The following FGGY variants were observed in gnomAD, a reference collection of about 807,000 sequenced individuals.
FGGY encodes FGGY carbohydrate kinase domain-containing protein.
In FGGY, 72 loss-of-function variants were observed where a neutral mutation model predicts 71.3. The observed-to-expected ratio is 1.01, with a 90% CI of 0.84 to 1.23. The LOEUF (loss-of-function observed/expected upper bound fraction) is 1.23, where lower values mean the gene tolerates loss of function less well. Ranked by LOEUF, FGGY falls within the 50% of genes most tolerant of loss-of-function variation. The pLI is 0.00. For missense variants in FGGY, 668 were observed against 682.3 expected, an observed-to-expected ratio of 0.98 and a Z score of 0.23; for synonymous variants, 251 against 250.3, an observed-to-expected ratio of 1.00 and a Z score of -0.02.
intron 14 of FGGY, among the ~76,000 whole-genome samples, chr1:59,748,838 C>T (rs1465431211): frequency 6.6e-6 from 1 of 152,124 alleles, no homozygotes; most frequent in African/African-American, 2.4e-5. Context: ...AATGAGATGA[C>T]TGATGGCTGA....
At chr1:59,619,244 G>A (rs1359773869) in intron 9 of FGGY, among the ~76,000 whole-genome samples, 1 of 152,046 alleles carries the variant, frequency 6.6e-6, no homozygotes, top group African/African-American at 2.4e-5. Flanking sequence ...AAGTAGCAGT[G>A]AGTAAAACAG....
At chr1:59,645,406 C>T (rs943820116) in intron 11 of FGGY, among the ~76,000 whole-genome samples, 2 of 152,148 alleles carry the variant, frequency 1.3e-5, no homozygotes, top group African/African-American at 4.8e-5. Context: ...CCGTGGGCCT[C>T]CCACTTTAGC....
intron 5 of FGGY, among the ~76,000 whole-genome samples, chr1:59,438,692 T>A (rs769629354): frequency 6.6e-6 from 1 of 152,228 alleles, no homozygotes; most frequent in African/African-American, 2.4e-5. Context: ...AACTTCTGAG[T>A]ATTAGGAATT....
intron 5 of FGGY, among the ~76,000 whole-genome samples, chr1:59,439,014 T>C (rs2069151819): frequency 6.6e-6 from 1 of 152,222 alleles, no homozygotes; most frequent in Non-Finnish European, 1.5e-5. Context: ...CATAATCTAC[T>C]CTCTCCCTCT....
chr1:59,468,903 C>T (rs1178547656), intron 6 of FGGY, among the ~76,000 whole-genome samples: 1 of 148,284 alleles, frequency 6.7e-6, no homozygotes, highest in East Asian at 2.0e-4. Flanking sequence ...AGGATCTTGA[C>T]TAATGAACTA....
intron 1 of FGGY, among the ~76,000 whole-genome samples, chr1:59,298,310 C>A (rs2042267768): frequency 1.3e-5 from 2 of 151,946 alleles, no homozygotes; most frequent in South Asian, 4.2e-4. Context: ...AGGCCCAGAG[C>A]ACTGTTATTA....
intron 7 of FGGY, among the ~76,000 whole-genome samples, chr1:59,513,388 C>T (rs2094563102): frequency 6.6e-6 from 1 of 152,182 alleles, no homozygotes; most frequent in Non-Finnish European, 1.5e-5. Context: ...CACTTCCATA[C>T]TCTGCCCATG....
chr1:59,464,326 A>G (rs747448756), intron 6 of FGGY, among the ~76,000 whole-genome samples: 16 of 152,234 alleles, frequency 1.1e-4, no homozygotes, highest in Non-Finnish European at 1.5e-4. Context: ...ATGAGAACAA[A>G]GACACAACGT....
intron 7 of FGGY, among the ~76,000 whole-genome samples, chr1:59,534,615 A>G (rs1419418876): frequency 4.6e-5 from 7 of 152,360 alleles, no homozygotes; most frequent in Non-Finnish European, 1.0e-4. Flanking sequence ...GAAGCCCATC[A>G]GACTAACAGC....
At chr1:59,657,624 T>A (rs1427101890) in intron 11 of FGGY, among the ~76,000 whole-genome samples, 2 of 152,236 alleles carry the variant, frequency 1.3e-5, no homozygotes, top group African/African-American at 4.8e-5. Context: ...CATGCCAGCA[T>A]GGTGCAGGCA....
intron 6 of FGGY, among the ~76,000 whole-genome samples, chr1:59,505,679 A>G (rs10789077): frequency 0.28 from 42,768 of 151,978 alleles, 6,440 homozygotes; most frequent in Middle Eastern, 0.35. Flanking sequence ...AGTTAATTCA[A>G]CACCCCGCCC....
At chr1:59,691,650 T>G in intron 14 of FGGY, among the ~76,000 whole-genome samples, 1 of 151,444 alleles carries the variant, frequency 6.6e-6, no homozygotes. Context: ...TCTTTTTTTT[T>G]TTTTTTTAAC....
intron 14 of FGGY, among the ~76,000 whole-genome samples, chr1:59,713,403 A>G (rs750891475): frequency 1.3e-5 from 2 of 152,010 alleles, no homozygotes; most frequent in Non-Finnish European, 2.9e-5. Context: ...ACCCCACTCT[A>G]CTGGCACCAA....
rs74476290 is a variant in FGGY at position 59,412,672 on chromosome 1, T to C, written c.554+33835T>C. On this transcript the variant is annotated intron_variant, in intron 5 of 15. Coordinates refer to ENST00000303721, the MANE Select transcript of FGGY (RefSeq NM_018291.5). ...ATTCATTCATTTACACCTTATTTAT[T>C]GAGACTTTCCCTGTGTGAGACATTG... Among the ~76,000 whole-genome samples the C allele has an allele frequency of 2.8e-4, 43 of 152,314 alleles. 1 individual carries two copies. The East Asian group carries it at 8.1e-3, about 29-fold the overall frequency.
intron 14 of FGGY, among the ~76,000 whole-genome samples, chr1:59,683,743 A>G (rs1185563841): frequency 6.6e-6 from 1 of 152,270 alleles, no homozygotes; most frequent in East Asian, 1.9e-4. Flanking sequence ...CTTACTAAGT[A>G]AAGGCATCTT....
chr1:59,551,109 G>C (rs1244412281), intron 7 of FGGY, among the ~76,000 whole-genome samples: 1 of 152,108 alleles, frequency 6.6e-6, no homozygotes, highest in Non-Finnish European at 1.5e-5. Context: ...TGATGATGGT[G>C]GTGGTGGAGA....
At chr1:59,569,953 A>G (rs1334991558) in intron 8 of FGGY, among the ~76,000 whole-genome samples, 1 of 152,108 alleles carries the variant, frequency 6.6e-6, no homozygotes, top group Non-Finnish European at 1.5e-5. Context: ...CATTTACTCA[A>G]ATTGAAGGAT....
At chr1:59,367,292 T>C (rs569963103) in intron 4 of FGGY, among the ~76,000 whole-genome samples, 80 of 152,346 alleles carry the variant, frequency 5.3e-4, no homozygotes, top group African/African-American at 1.9e-3. Context: ...ACCTACTCCA[T>C]GCTTCCAGCG....
At chr1:59,472,359 A>G (rs984035084) in intron 6 of FGGY, among the ~76,000 whole-genome samples, 3 of 152,138 alleles carry the variant, frequency 2.0e-5, no homozygotes, top group Admixed American at 2.0e-4. Flanking sequence ...GCCATGCCTG[A>G]GCCTCCCCCT....
Sources: allele counts gnomAD v4.1 joint callset (sites outside exome capture counted in the v4.1 genomes callset), GRCh38; gene constraint gnomAD v4.1.1; transcripts MANE v1.5; gene names NCBI Gene and HGNC (gene_info 2026-07-23, HGNC 2026-07-21).